MYO10: variants seen among roughly 807,000 people sequenced by gnomAD.
The protein encoded by MYO10 is myosin X.
MYO10 carries 133 observed loss-of-function variants against 257.3 expected under a neutral mutation model. The observed-to-expected ratio is 0.52, with a 90% confidence interval of 0.45 to 0.60. The LOEUF (loss-of-function observed/expected upper bound fraction) is 0.60. MYO10 is among the 20% of genes least tolerant of loss of function. MYO10 has a pLI of 0.00. For synonymous variants in MYO10, 1,104 were observed against 1,028.6 expected (o/e 1.07, Z -1.40); for missense variants, 2,399 against 2,635.7 (o/e 0.91, Z 1.97).
In MYO10 at chr5:16,663,629, C is replaced by T. The variant is rs1320172764; in HGVS notation, c.*3063G>A. 4.0e-5 allele frequency: 6 copies of T among 151,860 alleles called. No individual in the cohort carries two copies. The highest frequency in any genetic ancestry group is 1.5e-4 in the African/African-American group (6 of 41,292). The allele number at this position is 151,860 out of a possible 1,614,324, so 9.4% of individuals were successfully genotyped here. A position where few individuals can be genotyped will look rare whatever the true frequency, so the allele number is the denominator to read the frequency against. On this transcript the variant is annotated 3_prime_UTR_variant, in exon 41 of 41. Transcript: ENST00000513610. Reference sequence around the variant, plus strand: ...GGCTGAGGTGGAGGACTGCTTGAGCCCAGGAGGTTGAGGCTGCAATGAGCT... The same window carrying T: ...GGCTGAGGTGGAGGACTGCTTGAGCTCAGGAGGTTGAGGCTGCAATGAGCT...
intron 1 of MYO10, among the ~76,000 whole-genome samples, chr5:16,892,066 G>C (rs968303927): frequency 5.9e-5 from 9 of 152,148 alleles, no homozygotes; most frequent in African/African-American, 2.2e-4. Flanking sequence ...TCAGCACCTA[G>C]AACAGGGCCA....
intron 2 of MYO10, among the ~76,000 whole-genome samples, chr5:16,854,931 G>A (rs1743917777): frequency 6.6e-6 from 1 of 151,988 alleles, no homozygotes; most frequent in South Asian, 2.1e-4. Context: ...TACTCGGGAG[G>A]CTGAGGCAGG....
chr5:16,927,829 G>A (rs1266834281), intron 1 of MYO10, among the ~76,000 whole-genome samples: 1 of 152,168 alleles, frequency 6.6e-6, no homozygotes, highest in African/African-American at 2.4e-5. Flanking sequence ...AGCATTAGAT[G>A]ACATGATGTC....
intron 40 of MYO10, 114 bp from the exon 41 acceptor site, chr5:16,666,907 C>G: frequency 1.3e-6 from 1 of 745,112 alleles, no homozygotes; most frequent in Non-Finnish European, 2.2e-6. Flanking sequence ...CCATGCTAAT[C>G]GACGGATCCC....
At chr5:16,806,378 G>A (rs183894936) in intron 3 of MYO10, among the ~76,000 whole-genome samples, 25 of 151,760 alleles carry the variant, frequency 1.6e-4, no homozygotes, top group Admixed American at 1.4e-3. Flanking sequence ...CGGGTGCGAC[G>A]GCTCACACCT....
At chr5:16,821,120 TTGTATATGTA>T (rs1323734083) in intron 2 of MYO10, among the ~76,000 whole-genome samples, 136 of 147,652 alleles carry the variant, frequency 9.2e-4, no homozygotes, top group African/African-American at 2.4e-3. Context: ...ATAAAATGTT[TTGTATATGTA>T]TGTATATGTA....
At chr5:16,718,894 T>C (rs1352196662) in intron 19 of MYO10, among the ~76,000 whole-genome samples, 3 of 152,182 alleles carry the variant, frequency 2.0e-5, no homozygotes, top group Non-Finnish European at 4.4e-5. Flanking sequence ...AGAACCTTTG[T>C]ATCTAGCTCA....
chr5:16,769,269 C>T lies in MYO10; in HGVS notation c.931-66G>A, dbSNP rs1740975485. 2.1e-6 allele frequency: 3 copies of T among 1,447,662 alleles called. No individual in the cohort carries two copies. In the Admixed American group the frequency reaches 7.6e-5, roughly 37 times the overall value. 89.7% of individuals were successfully genotyped at this position (1,447,662 alleles called of 1,614,324 possible). ...CACACTGAAGAAAATGTAGAATATC[C>T]CTGATAATATAAAATTACTAGGTGT... On this transcript the variant is annotated intron_variant, in intron 9 of 40. Transcript: ENST00000513610.
chr5:16,899,636 A>AAC (rs113145106), intron 1 of MYO10, among the ~76,000 whole-genome samples: 6 of 151,672 alleles, frequency 4.0e-5, no homozygotes, highest in African/African-American at 1.5e-4. Context: ...TTCAAAAAAA[A>AAC]AAAAAACAAA....
chr5:16,836,867 G>A (rs1310557513), intron 2 of MYO10, among the ~76,000 whole-genome samples: 1 of 152,060 alleles, frequency 6.6e-6, no homozygotes, highest in Non-Finnish European at 1.5e-5. Flanking sequence ...AAATAAAAAC[G>A]TATGTCCACA....
chr5:16,673,610 A>G (rs1001308532), intron 36 of MYO10, 72 bp downstream of exon 36: 131 of 1,504,512 alleles, frequency 8.7e-5, no homozygotes, highest in Non-Finnish European at 1.2e-4. Flanking sequence ...CTAATGCTGC[A>G]CAATGTTCCT....
In MYO10 at chr5:16,665,571, T is replaced by G. The variant is rs568808092; in HGVS notation, c.*1121A>C. On this transcript the variant is annotated 3_prime_UTR_variant, in exon 41 of 41. Coordinates refer to ENST00000513610, the MANE Select transcript of MYO10 (RefSeq NM_012334.3). ...TGTGTATTAAAGCCTCAGCATTTAATGTCAGGGTCCTTTGAAGATTCACTC... is the reference window on the plus strand; with the variant it reads ...TGTGTATTAAAGCCTCAGCATTTAAGGTCAGGGTCCTTTGAAGATTCACTC... 6.6e-6 allele frequency: 1 copy of G among 152,366 alleles called. No homozygotes were observed. Among genetic ancestry groups the G allele is most frequent in the East Asian group, 1.9e-4 (1 of 5,188 alleles). The allele number at this position is 152,366 out of a possible 1,614,324, so 9.4% of individuals were successfully genotyped here.
intron 19 of MYO10, among the ~76,000 whole-genome samples, chr5:16,720,198 C>G (rs1283641458): frequency 6.6e-6 from 1 of 152,094 alleles, no homozygotes; most frequent in Non-Finnish European, 1.5e-5. Context: ...TCTGGCAACA[C>G]AGGAGATCCT....
intron 39 of MYO10, among the ~76,000 whole-genome samples, chr5:16,669,112 C>T (rs1327036131): frequency 2.0e-5 from 3 of 152,112 alleles, no homozygotes; most frequent in Non-Finnish European, 2.9e-5. Context: ...CAAACCTGGA[C>T]AAGCAGGAGG....
At chr5:16,758,280 G>T in intron 17 of MYO10, 54 bp from the exon 18 acceptor site, 1 of 1,228,216 alleles carries the variant, frequency 8.1e-7, no homozygotes, top group Non-Finnish European at 1.2e-6. Flanking sequence ...ATTATTAGGT[G>T]CAAGATTATT....
In MYO10 at chr5:16,811,158, G is replaced by GT. The variant is rs1742428464; in HGVS notation, c.279+6850dup. 2.8e-4 allele frequency among the ~76,000 whole-genome samples: 10 copies of GT among 35,096 alleles called. 2 individuals carry two copies. In the South Asian group the frequency reaches 6.4e-3, roughly 22 times the overall value. The allele number at this position is 35,096 out of a possible 152,430, so 23.0% of individuals were successfully genotyped here. ...CCCAAACTTTCCAGGTGAGCTGATGGTAAGTGGGGGGGGGATGTTCTGGCA... is the reference window on the plus strand; with the variant it reads ...CCCAAACTTTCCAGGTGAGCTGATGGTTAAGTGGGGGGGGGATGTTCTGGCA... On this transcript the variant is annotated intron_variant, in intron 3 of 40. Coordinates refer to ENST00000513610, the MANE Select transcript of MYO10 (RefSeq NM_012334.3).
At position 16,724,625 on chromosome 5, in the gene MYO10, G is replaced by C. The variant is rs542629798; in HGVS notation, c.1930-13380C>G. ...AATGTGTTTCTATGGGGGTTCCACTGCAAGACGTCATGAAGTAACTCTTCA... is the reference window on the plus strand; with the variant it reads ...AATGTGTTTCTATGGGGGTTCCACTCCAAGACGTCATGAAGTAACTCTTCA... On this transcript the variant is annotated intron_variant, in intron 19 of 40. Transcript: ENST00000513610. Among the ~76,000 whole-genome samples the C allele has an allele frequency of 2.0e-5, 3 of 152,130 alleles. No individual in the cohort carries two copies. The East Asian group carries it at 5.8e-4, about 29-fold the overall frequency.
At chr5:16,722,776 A>G (rs1739200065) in intron 19 of MYO10, among the ~76,000 whole-genome samples, 1 of 152,228 alleles carries the variant, frequency 6.6e-6, no homozygotes, top group South Asian at 2.1e-4. Flanking sequence ...GGCTTTGGGG[A>G]TAACTTTGAT....
Position 16,664,437 on chromosome 5 carries a change from G to A in MYO10, c.*2255C>T, listed in dbSNP as rs1290887338. 1 of 152,176 alleles carries A rather than the reference G, an allele frequency of 6.6e-6. No homozygotes were observed. The highest frequency in any genetic ancestry group is 1.5e-5 in the Non-Finnish European group (1 of 68,050). The allele number at this position is 152,176 out of a possible 1,614,324, so 9.4% of individuals were successfully genotyped here. A position where few individuals can be genotyped will look rare whatever the true frequency, so the allele number is the denominator to read the frequency against. ...AAAAACAAAGACAACACACATCCAA[G>A]TCTTTGCCGGCTTTCCTTGGGTGCC... On this transcript the variant is annotated 3_prime_UTR_variant, in exon 41 of 41. Transcript: ENST00000513610.
Sources: allele counts gnomAD v4.1 joint callset (sites outside exome capture counted in the v4.1 genomes callset), GRCh38; gene constraint gnomAD v4.1.1; transcripts MANE v1.5; gene names NCBI Gene and HGNC (gene_info 2026-07-23, HGNC 2026-07-21).